Variants in RNF213 observed in about 807,000 individuals in gnomAD.
RNF213 encodes ring finger protein 213.
A neutral mutation model predicts 514.4 loss-of-function variants in RNF213; 341 were observed. The ratio of observed to expected loss-of-function variants is 0.66; its 90% CI spans 0.61 to 0.73. RNF213 has a LOEUF of 0.73. Ranked by LOEUF, RNF213 falls within the 30% of genes least tolerant of loss-of-function variation. RNF213 has a pLI of 0.00. For missense variants in RNF213, 5,767 were observed against 6,615.6 expected (o/e 0.87, Z 4.45); for synonymous variants, 2,655 against 2,658.2 (o/e 1.00, Z 0.04).
At chr17:80,285,674 CTT>C (rs1201335107) in intron 3 of RNF213, among the ~76,000 whole-genome samples, 2 of 146,606 alleles carry the variant, frequency 1.4e-5, no homozygotes, top group Non-Finnish European at 3.0e-5. Context: ...TCTGCAGTTG[CTT>C]TTTTTTTTTT....
At chr17:80,373,915 A>G (rs1011933310) in intron 49 of RNF213, among the ~76,000 whole-genome samples, 7 of 150,910 alleles carry the variant, frequency 4.6e-5, no homozygotes, top group African/African-American at 1.7e-4. Flanking sequence ...AGGCAGGAGA[A>G]TCACTTGAAC....
In RNF213 at chr17:80,347,255, C is replaced by G. The variant is rs1180185020; in HGVS notation, c.8920C>G (p.Pro2974Ala). 1 of 1,613,468 alleles carries G rather than the reference C, an allele frequency of 6.2e-7. No homozygotes were observed. The change falls in exon 29 of 68, where the codon CCT (proline) becomes GCT (alanine). Residue 2974 changes from proline to alanine, a missense_variant. This residue lies in a region of RNF213 where 919 missense variants were observed against 1,121.0 expected (regional missense o/e 0.82). Transcript: ENST00000582970. The surrounding 1 kb of genome is among the most constrained non-coding windows in gnomAD (Gnocchi z 7.2). Reference protein sequence around the residue: ...FAAAKASNRKPSPQDIAQAVL... With the variant: ...FAAAKASNRKASPQDIAQAVL... ...TGCAGCAAAGGCTTCAAATAGAAAGCCTTCCCCGCAAGACATTGCACAGGC... is the reference window on the plus strand; with the variant it reads ...TGCAGCAAAGGCTTCAAATAGAAAGGCTTCCCCGCAAGACATTGCACAGGC...
intron 21 of RNF213, among the ~76,000 whole-genome samples, chr17:80,333,574 A>G (rs1308337064): frequency 6.6e-6 from 1 of 151,598 alleles, no homozygotes; most frequent in Non-Finnish European, 1.5e-5. Flanking sequence ...GGTGCCTGTA[A>G]TCTCAGCTAC....
intron 57 of RNF213, chr17:80,382,110 G>C (rs2080032121): frequency 7.4e-6 from 2 of 270,440 alleles, no homozygotes; most frequent in East Asian, 8.6e-5. Context: ...CGTCCACACA[G>C]AGCGTGCGTG....
chr17:80,317,089 T>G lies in RNF213; in HGVS notation c.2812-99T>G. The G allele has an allele frequency of 2.3e-6, 3 of 1,314,468 alleles. No individual in the cohort carries two copies. Among genetic ancestry groups the G allele is most frequent in the African/African-American group, 1.4e-5 (1 of 69,726 alleles). The allele number at this position is 1,314,468 out of a possible 1,614,324, so 81.4% of individuals were successfully genotyped here. The stretch of plus-strand genomic sequence containing the variant: ...CCCTGGTGTTCGCGGAGTCCCGCGC[T>G]CTCTGTATTGCCGTAATGCTCTGTC... On this transcript the variant is annotated intron_variant, in intron 15 of 67. Transcript: ENST00000582970. This position sits in a 1 kb window ranked among gnomAD's most constrained non-coding sequence, Gnocchi z 4.1.
rs757733788 is a variant in RNF213 at position 80,350,375 on chromosome 17, C to T, written c.10163C>T (p.Ala3388Val). ...GATTTTGAAGATGGAATCCGTAGCG[C>T]CCAGCTCATTGCCTCAGCTAAGTAT... ...QTDFEDGIRSAQLIASAKYSV... is the reference protein window; with the variant it reads ...QTDFEDGIRSVQLIASAKYSV... Residue 3388 changes from alanine to valine, a missense_variant, in exon 31 of 68, where the codon GCC becomes GTC. Physicochemically the swap from Ala to Val is moderately conservative, Grantham distance 64 (BLOSUM62 0). Transcript: ENST00000582970. 10 of 1,608,924 alleles carry T rather than the reference C, an allele frequency of 6.2e-6. No homozygotes were observed. The highest frequency in any genetic ancestry group is 2.2e-5 in the South Asian group (2 of 90,986).
chr17:80,313,287 A>G (rs1324434728), intron 15 of RNF213, 120 bp downstream of exon 15: 2 of 1,292,274 alleles, frequency 1.5e-6, no homozygotes, highest in African/African-American at 2.9e-5. Flanking sequence ...CCTGAGCCTC[A>G]GTTCTTCATC....
At chr17:80,349,047 C>A (rs954496302) in intron 29 of RNF213, among the ~76,000 whole-genome samples, 1 of 152,002 alleles carries the variant, frequency 6.6e-6, no homozygotes, top group Non-Finnish European at 1.5e-5. Context: ...CAGATGGAAC[C>A]GAGAGATACT....
intron 3 of RNF213, among the ~76,000 whole-genome samples, chr17:80,284,707 G>A (rs918307086): frequency 6.8e-6 from 1 of 147,956 alleles, no homozygotes; most frequent in East Asian, 2.2e-4. Context: ...TCTGCCTTCC[G>A]GACGGCTCCC....
chr17:80,275,468 TG>T (rs1272796090), intron 3 of RNF213, among the ~76,000 whole-genome samples: 8 of 151,684 alleles, frequency 5.3e-5, no homozygotes, highest in African/African-American at 1.9e-4. Flanking sequence ...TTGAGTTACT[TG>T]GGGGAATAAA....
At chr17:80,319,128 C>A in intron 16 of RNF213, 62 bp from the exon 17 acceptor site, 1 of 1,613,686 alleles carries the variant, frequency 6.2e-7, no homozygotes, top group Non-Finnish European at 8.5e-7. Context: ...AATTTTCATC[C>A]CATAGAGCAC....
chr17:80,326,326 G>C (rs6565676), intron 18 of RNF213, among the ~76,000 whole-genome samples: 29 of 151,958 alleles, frequency 1.9e-4, no homozygotes, highest in Non-Finnish European at 3.5e-4. Context: ...AGAGCACTTT[G>C]ATGTGTACAG....
Position 80,339,554 on chromosome 17 carries a change from A to T in RNF213, c.5187A>T (p.Leu1729=), listed in dbSNP as rs1187528936. Residue 1729 remains leucine (L), a synonymous_variant, in exon 26 of 68, where the codon CTA becomes CTT. Transcript: ENST00000582970. ...CGAGTGATGCCGCCCTAACGATGCT[A>T]TCCTTCATCAAAAGCAACTGCACCC... ...QPPSDAALTM[L]SFIKSNCTLR... 1.3e-6 allele frequency: 2 copies of T among 1,537,054 alleles called. No homozygotes were observed. The highest frequency in any genetic ancestry group is 8.7e-7 in the Non-Finnish European group (1 of 1,146,876).
At position 80,389,875 on chromosome 17, in the gene RNF213, C is replaced by A. The variant is rs747902351; in HGVS notation, c.15243C>A (p.Phe5081Leu). The A allele has an allele frequency of 6.2e-7, 1 of 1,614,186 alleles. No individual in the cohort carries two copies. The highest frequency in any genetic ancestry group is 8.5e-7 in the Non-Finnish European group (1 of 1,180,038). Residue 5081 changes from phenylalanine (F) to leucine (L), a missense_variant, in exon 66 of 68, where the codon TTC becomes TTA. Physicochemically the swap from Phe to Leu is conservative, Grantham distance 22 (BLOSUM62 0). Around this residue, in one of 13 missense-constraint regions of RNF213, gnomAD observed 1,245 missense variants for 1,339.0 expected, o/e 0.93. Coordinates refer to ENST00000582970, the MANE Select transcript of RNF213 (RefSeq NM_001256071.3). ...AACACACCATTGCCCTCTGGCAGTTCCTGTCTGCTCATAAGTCTGAACAGC... is the reference window on the plus strand; with the variant it reads ...AACACACCATTGCCCTCTGGCAGTTACTGTCTGCTCATAAGTCTGAACAGC... ...QLKHTIALWQ[F>L]LSAHKSEQLL...
intron 11 of RNF213, among the ~76,000 whole-genome samples, chr17:80,302,383 G>C (rs924442930): frequency 5.9e-5 from 9 of 152,050 alleles, no homozygotes; most frequent in African/African-American, 2.2e-4. Context: ...CCATATATTT[G>C]TACAGATTAC....
chr17:80,332,375 G>C lies in RNF213; in HGVS notation c.3887G>C (p.Gly1296Ala), dbSNP rs1256517143. ...AAGTTGCACCAGGATCTAAAGTCAGGAGAGGTCACCCTTGCAGAGATTGAT... is the reference window on the plus strand; with the variant it reads ...AAGTTGCACCAGGATCTAAAGTCAGCAGAGGTCACCCTTGCAGAGATTGAT... ...FIKLHQDLKSGEVTLAEIDVI... is the reference protein window; with the variant it reads ...FIKLHQDLKSAEVTLAEIDVI... The change falls in exon 21 of 68, where the codon GGA becomes GCA. Residue 1296 changes from glycine to alanine, a missense_variant. Gly to Ala is a moderately conservative substitution (Grantham distance 60, BLOSUM62 0). Coordinates refer to ENST00000582970, the MANE Select transcript of RNF213 (RefSeq NM_001256071.3). 1.3e-6 allele frequency: 2 copies of C among 1,537,148 alleles called. No homozygotes were observed. The highest frequency in any genetic ancestry group is 1.7e-6 in the Non-Finnish European group (2 of 1,146,912).
intron 15 of RNF213, chr17:80,315,947 TGGTGGTGGA>T (rs1392072613): frequency 5.3e-5 from 8 of 151,590 alleles, no homozygotes; most frequent in East Asian, 1.9e-4. Context: ...GTGGTGATGC[TGGTGGTGGA>T]GGTGGTGGAG....
intron 18 of RNF213, among the ~76,000 whole-genome samples, chr17:80,326,163 A>G (rs1467011718): frequency 6.6e-6 from 1 of 151,888 alleles, no homozygotes; most frequent in Non-Finnish European, 1.5e-5. Context: ...CTGTTGCGCA[A>G]GTTAGCATGT....
chr17:80,312,053 A>G (rs1228499753), intron 14 of RNF213, among the ~76,000 whole-genome samples: 2 of 152,116 alleles, frequency 1.3e-5, no homozygotes, highest in South Asian at 4.1e-4. Flanking sequence ...ACTTGAACCC[A>G]GGAGGTGGAG....
Sources: allele counts gnomAD v4.1 joint callset (sites outside exome capture counted in the v4.1 genomes callset), GRCh38; gene constraint gnomAD v4.1.1; regional missense constraint gnomAD v4.1.1; non-coding constraint Gnocchi (gnomAD v3.1); transcripts MANE v1.5; gene names NCBI Gene and HGNC (gene_info 2026-07-23, HGNC 2026-07-21).